ZNF687: variants seen among roughly 807,000 people sequenced by gnomAD.
The protein encoded by ZNF687 is zinc finger protein 687.
ZNF687 carries 13 observed loss-of-function variants against 71.8 expected under a neutral mutation model. That is an observed-to-expected ratio of 0.18 (90% confidence interval 0.12 to 0.29). ZNF687 has a LOEUF of 0.29. Ranked by LOEUF, ZNF687 falls within the 10% of genes least tolerant of loss-of-function variation. The pLI is 1.00. For synonymous variants in ZNF687, 673 were observed against 641.6 expected (o/e 1.05, Z -0.74); for missense variants, 1,412 against 1,625.6 (o/e 0.87, Z 2.26).
At chr1:151,282,188 C>A, upstream of ZNF687, 1 of 1,095,956 alleles carries the variant, frequency 9.1e-7, no homozygotes, top group Non-Finnish European at 1.1e-6. Flanking sequence ...CTGGAAGGGG[C>A]ACAGGGCTGA....
chr1:151,290,479 A>G lies in ZNF687; in HGVS notation c.3125A>G (p.Glu1042Gly). The stretch of plus-strand genomic sequence containing the variant: ...ACCTTCAGCAGCCGCCTGATCCTAG[A>G]GAAACATGTCCAGGTCCGGCACGGC... ...KRTFSSRLIL[E>G]KHVQVRHGLQ... is the part of the protein sequence containing the mutation. Residue 1042 changes from glutamate (E) to glycine (G), a missense_variant, in exon 8 of 9, where the codon GAG becomes GGG. Transcript: ENST00000336715. The G allele has an allele frequency of 1.2e-6, 2 of 1,614,008 alleles. No individual in the cohort carries two copies. The highest frequency in any genetic ancestry group is 1.7e-6 in the Non-Finnish European group (2 of 1,180,008).
rs869269504 is a variant in ZNF687 at position 151,284,802 on chromosome 1, C to CTTT, written c.-17-1448_-17-1446dup. ...ACTTGTGCTCTCTGCCTTGTCTTGT[C>CTTT]TTTTTTTTTTTTTTTTTTTTTTTTT... On this transcript the variant is annotated intron_variant, in intron 1 of 8. Transcript: ENST00000336715. Among the ~76,000 whole-genome samples the CTTT allele has an allele frequency of 1.4e-4, 8 of 56,434 alleles. 1 individual carries two copies. The highest frequency in any genetic ancestry group is 3.2e-4 in the African/African-American group (4 of 12,422). 37.0% of individuals were successfully genotyped at this position (56,434 alleles called of 152,430 possible).
At position 151,282,491 on chromosome 1, in the gene ZNF687, C is replaced by G. The variant is rs765079925; in HGVS notation, c.-18+96C>G. Reference sequence around the variant, plus strand: ...CCCTCCCCCACTTGGTCAACTACCCCCTTCTCCGCGCCGCCCCCTGGGGCG... The same window carrying G: ...CCCTCCCCCACTTGGTCAACTACCCGCTTCTCCGCGCCGCCCCCTGGGGCG... On this transcript the variant is annotated intron_variant, in intron 1 of 8. Coordinates refer to ENST00000336715, the MANE Select transcript of ZNF687 (RefSeq NM_020832.3). 1.8e-3 allele frequency: 1,612 copies of G among 889,370 alleles called. 1 individual carries two copies. Among genetic ancestry groups the G allele is most frequent in the Non-Finnish European group, 2.1e-3 (1,531 of 741,526 alleles). 55.1% of individuals were successfully genotyped at this position (889,370 alleles called of 1,614,324 possible).
Position 151,292,073 on chromosome 1 carries a change from C to T in ZNF687, c.*864C>T, listed in dbSNP as rs187452819. 6.6e-6 allele frequency: 1 copy of T among 152,410 alleles called. No individual in the cohort carries two copies. The highest frequency in any genetic ancestry group is 2.4e-5 in the African/African-American group (1 of 41,552). The allele number at this position is 152,410 out of a possible 1,614,324, so 9.4% of individuals were successfully genotyped here. A position where few individuals can be genotyped will look rare whatever the true frequency, so the allele number is the denominator to read the frequency against. On this transcript the variant is annotated 3_prime_UTR_variant, in exon 9 of 9. Transcript: ENST00000336715. ...TATCTTGGACACTGAGGCATCCGTT[C>T]ATACCTCATCACCCATCTCCCCCTG...
In ZNF687 at chr1:151,282,375, C is replaced by T. The variant is rs926555461; in HGVS notation, c.-38C>T. 3.2e-5 allele frequency: 32 copies of T among 990,536 alleles called. No homozygotes were observed. Among genetic ancestry groups the T allele is most frequent in the Non-Finnish European group, 3.5e-5 (29 of 831,960 alleles). 61.4% of individuals were successfully genotyped at this position (990,536 alleles called of 1,614,324 possible). A position where few individuals can be genotyped will look rare whatever the true frequency, so the allele number is the denominator to read the frequency against. Reference sequence around the variant, plus strand: ...CGGGGTAGAGACCGCCGGGTCTCGGCCCGCACCAGGAGCGGAACAAGTAAG... The same window carrying T: ...CGGGGTAGAGACCGCCGGGTCTCGGTCCGCACCAGGAGCGGAACAAGTAAG... On this transcript the variant is annotated 5_prime_UTR_variant, in exon 1 of 9. Coordinates refer to ENST00000336715, the MANE Select transcript of ZNF687 (RefSeq NM_020832.3).
intron 1 of ZNF687, chr1:151,283,148 G>T (rs1693796748): frequency 2.0e-6 from 2 of 985,446 alleles, no homozygotes; most frequent in Admixed American, 1.2e-4. Flanking sequence ...TTCCCTTGTA[G>T]TTTCTCATGT....
In ZNF687 at chr1:151,287,775, C is replaced by T. The variant is rs746048065; in HGVS notation, c.1484C>T (p.Ser495Phe). The part of the protein sequence containing the change: ...GGGTVISRTQ[S>F]SLVEAFNKIL... Reference sequence around the variant, plus strand: ...GGCACAGTGATATCACGGACCCAGTCCAGCCTGGTGGAGGCCTTCAACAAG... The same window carrying T: ...GGCACAGTGATATCACGGACCCAGTTCAGCCTGGTGGAGGCCTTCAACAAG... Residue 495 changes from serine (S) to phenylalanine (F), a missense_variant, in exon 2 of 9, where the codon TCC becomes TTC. Physicochemically the swap from Ser to Phe is radical, Grantham distance 155 (BLOSUM62 -2). Coordinates refer to ENST00000336715, the MANE Select transcript of ZNF687 (RefSeq NM_020832.3). This position sits in a 1 kb window ranked among gnomAD's most constrained non-coding sequence, Gnocchi z 5.0. The T allele has an allele frequency of 6.2e-7, 1 of 1,614,118 alleles. No homozygotes were observed. The highest frequency in any genetic ancestry group is 8.5e-7 in the Non-Finnish European group (1 of 1,180,034).
intron 7 of ZNF687, 76 bp downstream of exon 7, chr1:151,290,310 C>G: frequency 6.2e-7 from 1 of 1,606,496 alleles, no homozygotes; most frequent in Non-Finnish European, 8.5e-7. Context: ...TGTGCACCTG[C>G]GACGTGTCTA....
chr1:151,290,733 C>T lies in ZNF687; in HGVS notation c.3238C>T (p.Arg1080Cys), dbSNP rs148677920. The T allele has an allele frequency of 8.5e-5, 137 of 1,605,090 alleles. No individual in the cohort carries two copies. The highest frequency in any genetic ancestry group is 1.7e-4 in the African/African-American group (13 of 74,570). The change falls in exon 9 of 9, where the codon CGC becomes TGC. Residue 1080 changes from arginine (R) to cysteine (C), a missense_variant. Arg to Cys is a radical substitution (Grantham distance 180, BLOSUM62 -3). Around this residue, in one of 8 missense-constraint regions of ZNF687, gnomAD observed 284 missense variants for 359.2 expected, o/e 0.79. Transcript: ENST00000336715. ...TCTTCAGGGGCCAGGTCGGAAACGC[C>T]GCCAGTCTTCTGACTCTTGCAGTGA... is the stretch of plus-strand genomic sequence containing the variant. Reference protein sequence around the residue: ...ARAQGPGRKRRQSSDSCSEEP... With the variant: ...ARAQGPGRKRCQSSDSCSEEP...
chr1:151,291,087 G>A lies in ZNF687; in HGVS notation c.3592G>A (p.Gly1198Ser). ...GGDSPLPASG[G>S]PLTCKVCGKS... is the part of the protein sequence containing the mutation. ...AGACTCACCCCTGCCTGCTTCTGGA[G>A]GCCCACTGACCTGTAAGGTCTGTGG... The change falls in exon 9 of 9, where the codon GGC becomes AGC. Residue 1198 changes from glycine to serine, a missense_variant. Around this residue, in one of 8 missense-constraint regions of ZNF687, gnomAD observed 284 missense variants for 359.2 expected, o/e 0.79. Coordinates refer to ENST00000336715, the MANE Select transcript of ZNF687 (RefSeq NM_020832.3). The A allele has an allele frequency of 1.9e-6, 3 of 1,613,686 alleles. No individual in the cohort carries two copies. Among genetic ancestry groups the A allele is most frequent in the East Asian group, 4.5e-5 (2 of 44,862 alleles).
At position 151,287,817 on chromosome 1, in the gene ZNF687, A is replaced by T; in HGVS notation, c.1526A>T (p.Asn509Ile). 1 of 1,613,874 alleles carries T rather than the reference A, an allele frequency of 6.2e-7. No individual in the cohort carries two copies. The highest frequency in any genetic ancestry group is 8.5e-7 in the Non-Finnish European group (1 of 1,179,988). ...EAFNKILNSK[N>I]LLPAYRPNLS... ...TTCAACAAGATCCTCAACAGCAAGAACCTGCTCCCTGCCTATAGGCCAAAC... is the reference window on the plus strand; with the variant it reads ...TTCAACAAGATCCTCAACAGCAAGATCCTGCTCCCTGCCTATAGGCCAAAC... Residue 509 changes from asparagine (N) to isoleucine (I), a missense_variant, in exon 2 of 9, where the codon AAC becomes ATC. Physicochemically the swap from Asn to Ile is moderately radical, Grantham distance 149. Transcript: ENST00000336715. This position sits in a 1 kb window ranked among gnomAD's most constrained non-coding sequence, Gnocchi z 5.0.
At position 151,288,425 on chromosome 1, in the gene ZNF687, C is replaced by A. The variant is rs1180446002; in HGVS notation, c.2115+19C>A. ...CAGCAATGTGAGTCACCTTTCACAG[C>A]CCTTCTGTGGGGACAGGATCTAGGA... On this transcript the variant is annotated intron_variant, in intron 2 of 8. Coordinates refer to ENST00000336715, the MANE Select transcript of ZNF687 (RefSeq NM_020832.3). The A allele has an allele frequency of 6.3e-7, 1 of 1,597,650 alleles. No individual in the cohort carries two copies. The highest frequency in any genetic ancestry group is 8.5e-7 in the Non-Finnish European group (1 of 1,171,100).
intron 6 of ZNF687, 53 bp from the exon 7 acceptor site, chr1:151,290,069 A>C (rs1027388474): frequency 1.2e-6 from 2 of 1,610,848 alleles, no homozygotes; most frequent in Non-Finnish European, 1.7e-6. Flanking sequence ...CCAGTGTGAC[A>C]GTGGGGACGG....
Position 151,288,386 on chromosome 1 carries a change from G to C in ZNF687, c.2095G>C (p.Ala699Pro). The C allele has an allele frequency of 6.2e-7, 1 of 1,605,168 alleles. No homozygotes were observed. The highest frequency in any genetic ancestry group is 1.3e-5 in the African/African-American group (1 of 74,972). The change falls in exon 2 of 9, where the codon GCC becomes CCC. Residue 699 changes from alanine (A) to proline (P), a missense_variant. By Grantham distance (27) the Ala-to-Pro change is conservative. Around this residue, in one of 8 missense-constraint regions of ZNF687, gnomAD observed 207 missense variants for 239.2 expected, o/e 0.87. Coordinates refer to ENST00000336715, the MANE Select transcript of ZNF687 (RefSeq NM_020832.3). ...TCACTTCCAGCAGCTCGGCCCCCCT[G>C]CCCCTGGGGCCACCAGCAATGTGAG... ...AAHFQQLGPP[A>P]PGATSNVCPT...
At chr1:151,284,145 G>T (rs1333888114) in intron 1 of ZNF687, 2 of 985,316 alleles carry the variant, frequency 2.0e-6, no homozygotes, top group African/African-American at 1.7e-5. Context: ...CAGGAAAATG[G>T]AAAGGGTGAG....
intron 1 of ZNF687, among the ~76,000 whole-genome samples, chr1:151,282,917 G>T (rs1049784593): frequency 6.6e-6 from 1 of 152,228 alleles, no homozygotes; most frequent in African/African-American, 2.4e-5. Flanking sequence ...GCCCGGAGGG[G>T]AGGGGACGAG....
At position 151,290,942 on chromosome 1, in the gene ZNF687, C is replaced by T. The variant is rs1694214134; in HGVS notation, c.3447C>T (p.Ser1149=). 1 of 1,613,700 alleles carries T rather than the reference C, an allele frequency of 6.2e-7. No homozygotes were observed. The highest frequency in any genetic ancestry group is 1.1e-5 in the South Asian group (1 of 91,088). ...DCGLCFASPG[S]LSRHRFISHK... ...GCTTGTGCTTTGCCTCCCCTGGCTC[C>T]CTGAGCCGACACCGTTTCATCAGCC... is the stretch of plus-strand genomic sequence containing the variant. Residue 1149 remains serine (S), a synonymous_variant, in exon 9 of 9, where the codon TCC becomes TCT. Transcript: ENST00000336715.
chr1:151,284,002 C>T, intron 1 of ZNF687: 1 of 985,442 alleles, frequency 1.0e-6, no homozygotes, highest in African/African-American at 1.7e-5. Flanking sequence ...GGGGACAGAC[C>T]TGGGTCTCCC....
chr1:151,290,068 C>T (rs1694145897), intron 6 of ZNF687, 54 bp from the exon 7 acceptor site: 2 of 1,610,278 alleles, frequency 1.2e-6, no homozygotes, highest in East Asian at 4.5e-5. Flanking sequence ...GCCAGTGTGA[C>T]AGTGGGGACG....
Sources: allele counts gnomAD v4.1 joint callset (sites outside exome capture counted in the v4.1 genomes callset), GRCh38; gene constraint gnomAD v4.1.1; regional missense constraint gnomAD v4.1.1; non-coding constraint Gnocchi (gnomAD v3.1); transcripts MANE v1.5; gene names NCBI Gene and HGNC (gene_info 2026-07-23, HGNC 2026-07-21).